Variants in ANTXR1 observed in about 807,000 individuals in gnomAD.
ANTXR1 encodes the protein anthrax toxin receptor 1.
In ANTXR1, 19 loss-of-function variants were observed where a neutral mutation model predicts 78.1. The ratio of observed to expected loss-of-function variants is 0.24; its 90% CI spans 0.17 to 0.36. ANTXR1 has a LOEUF of 0.36. Ranked by LOEUF, ANTXR1 falls within the 10% of genes least tolerant of loss-of-function variation. The pLI, the probability that ANTXR1 is intolerant of heterozygous loss-of-function variation, is 1.00. For missense variants in ANTXR1, 518 were observed against 718.6 expected, an observed-to-expected ratio of 0.72 and a Z score of 3.19; for synonymous variants, 273 against 260.5, an observed-to-expected ratio of 1.05 and a Z score of -0.46.
intron 17 of ANTXR1, among the ~76,000 whole-genome samples, chr2:69,219,694 A>G (rs1675270676): frequency 6.6e-6 from 1 of 152,156 alleles, no homozygotes; most frequent in Admixed American, 6.5e-5. Context: ...TAAAATGACA[A>G]ATTCTCTTGG....
intron 12 of ANTXR1, among the ~76,000 whole-genome samples, chr2:69,133,167 G>A (rs1672807149): frequency 6.6e-6 from 1 of 152,162 alleles, no homozygotes; most frequent in African/African-American, 2.4e-5. Flanking sequence ...CAAGTAGGCA[G>A]CTCATGATTA....
At chr2:69,015,286 A>AAAC (rs1670991067) in intron 1 of ANTXR1, among the ~76,000 whole-genome samples, 1 of 150,804 alleles carries the variant, frequency 6.6e-6, no homozygotes, top group African/African-American at 2.5e-5. Flanking sequence ...AAAAAAAAAA[A>AAAC]CAGGTAAAAA....
At chr2:69,021,744 A>G (rs1268594991) in intron 1 of ANTXR1, among the ~76,000 whole-genome samples, 1 of 152,238 alleles carries the variant, frequency 6.6e-6, no homozygotes, top group African/African-American at 2.4e-5. Flanking sequence ...GCTTCTACTG[A>G]AAACGTATAA....
At chr2:69,182,087 A>T in intron 15 of ANTXR1, 1 of 608,414 alleles carries the variant, frequency 1.6e-6, no homozygotes. Flanking sequence ...ATTGTAAGGC[A>T]GACGGATGGA....
chr2:69,216,590 A>AC (rs1410144176), intron 17 of ANTXR1, among the ~76,000 whole-genome samples: 1 of 152,106 alleles, frequency 6.6e-6, no homozygotes, highest in Non-Finnish European at 1.5e-5. Context: ...ACAATGAAAG[A>AC]CCCACAGTCA....
chr2:69,161,907 T>C (rs1053316515), intron 13 of ANTXR1, among the ~76,000 whole-genome samples: 3 of 151,766 alleles, frequency 2.0e-5, no homozygotes, highest in African/African-American at 7.3e-5. Context: ...AACCCAGAAG[T>C]CCCCCAGGAC....
intron 11 of ANTXR1, among the ~76,000 whole-genome samples, chr2:69,124,340 A>C (rs1353000413): frequency 1.3e-5 from 2 of 152,222 alleles, no homozygotes; most frequent in African/African-American, 4.8e-5. Context: ...TATACCAGCC[A>C]AGCATATCCT....
intron 3 of ANTXR1, 122 bp downstream of exon 3, chr2:69,044,935 C>T: frequency 9.9e-7 from 1 of 1,005,416 alleles, no homozygotes. Flanking sequence ...CCTTCTTTTA[C>T]CCTAAGTTTT....
At chr2:69,094,742 G>A (rs560867954) in intron 9 of ANTXR1, among the ~76,000 whole-genome samples, 2 of 152,296 alleles carry the variant, frequency 1.3e-5, no homozygotes, top group South Asian at 2.1e-4. Flanking sequence ...GCGAGGCAGC[G>A]AGATAATGAC....
At chr2:69,021,755 T>G (rs6729227) in intron 1 of ANTXR1, among the ~76,000 whole-genome samples, 10,917 of 152,274 alleles carry the variant, frequency 0.072, 1,325 homozygotes, top group African/African-American at 0.25. Context: ...AAACGTATAA[T>G]TATAGCTTGC....
intron 1 of ANTXR1, among the ~76,000 whole-genome samples, chr2:69,028,633 G>T (rs1350594237): frequency 6.6e-6 from 1 of 152,100 alleles, no homozygotes; most frequent in Non-Finnish European, 1.5e-5. Flanking sequence ...TTACACAAAA[G>T]AAGTGGAAAT....
chr2:69,144,315 A>G (rs1458313674), intron 12 of ANTXR1, among the ~76,000 whole-genome samples: 1 of 152,202 alleles, frequency 6.6e-6, no homozygotes, highest in Non-Finnish European at 1.5e-5. Flanking sequence ...TGAAGTGGAC[A>G]TAGTTCCTTG....
At chr2:69,118,246 C>CAAAAAAA (rs61565815) in intron 10 of ANTXR1, among the ~76,000 whole-genome samples, 21,757 of 93,812 alleles carry the variant, frequency 0.23, 1,995 homozygotes, top group East Asian at 0.44. Flanking sequence ...CTTGTCTCTA[C>CAAAAAAA]AAAAAAAAAA....
chr2:69,243,900 C>T (rs2104535228), intron 17 of ANTXR1, among the ~76,000 whole-genome samples: 1 of 152,252 alleles, frequency 6.6e-6, no homozygotes, highest in Non-Finnish European at 1.5e-5. Flanking sequence ...GGCATCCAGA[C>T]ATGCCAGAGA....
chr2:69,015,105 GTC>G (rs1409424706), intron 1 of ANTXR1, among the ~76,000 whole-genome samples: 1 of 151,532 alleles, frequency 6.6e-6, no homozygotes, highest in Non-Finnish European at 1.5e-5. Flanking sequence ...GAATCACCAT[GTC>G]TCTGAATGGA....
chr2:69,040,247 AC>A, intron 2 of ANTXR1, 132 bp downstream of exon 2: 1 of 765,270 alleles, frequency 1.3e-6, no homozygotes, highest in Non-Finnish European at 2.3e-6. Flanking sequence ...CAGATCTCGG[AC>A]CAGAGACTGT....
At chr2:69,225,461 C>T (rs967513323) in intron 17 of ANTXR1, among the ~76,000 whole-genome samples, 2 of 152,154 alleles carry the variant, frequency 1.3e-5, no homozygotes, top group African/African-American at 2.4e-5. Context: ...GCCTGGGCGA[C>T]AAAGTGAATT....
chr2:69,027,254 T>C lies in ANTXR1; in HGVS notation c.153-12790T>C, dbSNP rs76066447. Among the ~76,000 whole-genome samples the C allele has an allele frequency of 9.3e-3, 1,417 of 152,296 alleles. 22 individuals are homozygous for C. Among genetic ancestry groups the C allele is most frequent in the African/African-American group, 0.032 (1,335 of 41,556 alleles). On this transcript the variant is annotated intron_variant, in intron 1 of 17. Coordinates refer to ENST00000303714, the MANE Select transcript of ANTXR1 (RefSeq NM_032208.3). Reference sequence around the variant, plus strand: ...CCAGGCACCTCCATGACTGTGATCCTGTCCAGCGCTGCTGAGTCCTCCCGC... The same window carrying C: ...CCAGGCACCTCCATGACTGTGATCCCGTCCAGCGCTGCTGAGTCCTCCCGC...
intron 2 of ANTXR1, among the ~76,000 whole-genome samples, chr2:69,040,525 C>T (rs1159990248): frequency 6.6e-6 from 1 of 152,178 alleles, no homozygotes; most frequent in Non-Finnish European, 1.5e-5. Context: ...AGTTTTAGCA[C>T]TGAAAGTCTC....
Sources: allele counts gnomAD v4.1 joint callset (sites outside exome capture counted in the v4.1 genomes callset), GRCh38; gene constraint gnomAD v4.1.1; transcripts MANE v1.5; gene names NCBI Gene and HGNC (gene_info 2026-07-23, HGNC 2026-07-21).